Variants in NXPH1 observed in about 807,000 individuals in gnomAD.
The protein encoded by NXPH1 is neurexophilin 1.
NXPH1 carries 5 observed loss-of-function variants against 23.7 expected under a neutral mutation model. The observed-to-expected ratio is 0.21, with a 90% confidence interval of 0.11 to 0.44. The LOEUF is 0.44. NXPH1 is among the 20% of genes least tolerant of loss of function. The pLI is 0.99. For synonymous variants in NXPH1, 144 were observed against 122.2 expected, an observed-to-expected ratio of 1.18 and a Z score of -1.18; for missense variants, 324 against 321.6, an observed-to-expected ratio of 1.01 and a Z score of -0.06.
At chr7:8,618,687 C>G (rs573553811) in intron 2 of NXPH1, among the ~76,000 whole-genome samples, 44 of 152,266 alleles carry the variant, frequency 2.9e-4, no homozygotes, top group Middle Eastern at 6.8e-3. Flanking sequence ...GCATTGTTTC[C>G]TTAGAAATGT....
intron 2 of NXPH1, among the ~76,000 whole-genome samples, chr7:8,491,832 T>A (rs1817252573): frequency 6.6e-6 from 1 of 152,114 alleles, no homozygotes; most frequent in Non-Finnish European, 1.5e-5. Context: ...ATTTTCATTT[T>A]CTTTTGCAGC....
At chr7:8,514,168 C>T (rs1817655001) in intron 2 of NXPH1, among the ~76,000 whole-genome samples, 1 of 152,106 alleles carries the variant, frequency 6.6e-6, no homozygotes, top group Non-Finnish European at 1.5e-5. Flanking sequence ...AAAGTTAGAA[C>T]TTCAACACAA....
chr7:8,598,677 C>T lies in NXPH1; in HGVS notation c.55-152331C>T, dbSNP rs1819285431. ...TACAGCGTCAGTATTTTTCTGTTTG[C>T]AGTTTACAGATAAAATGTACTTGTA... is the stretch of plus-strand genomic sequence containing the variant. On this transcript the variant is annotated intron_variant, in intron 2 of 2. Coordinates refer to ENST00000405863, the MANE Select transcript of NXPH1 (RefSeq NM_152745.3). 2.0e-5 allele frequency among the ~76,000 whole-genome samples: 3 copies of T among 152,130 alleles called. 1 individual carries two copies. The highest frequency in any genetic ancestry group is 1.3e-4 in the Admixed American group (2 of 15,244).
rs577506554 is a variant in NXPH1 at position 8,434,514 on chromosome 7, C to A, written c.-352C>A. On this transcript the variant is annotated 5_prime_UTR_variant, in exon 1 of 3. Coordinates refer to ENST00000405863, the MANE Select transcript of NXPH1 (RefSeq NM_152745.3). This position sits in a 1 kb window ranked among gnomAD's most constrained non-coding sequence, Gnocchi z 7.6. The stretch of plus-strand genomic sequence containing the variant: ...TCTCTTGCCTCTTAAGTTTCCTGCA[C>A]CGTGAATCCAACTGTGCCAAGCCTT... 2 of 153,036 alleles carry A rather than the reference C, an allele frequency of 1.3e-5. No individual in the cohort carries two copies. The highest frequency in any genetic ancestry group is 3.9e-4 in the East Asian group (2 of 5,168). The allele number at this position is 153,036 out of a possible 1,614,324, so 9.5% of individuals were successfully genotyped here. A position where few individuals can be genotyped will look rare whatever the true frequency, so the allele number is the denominator to read the frequency against.
chr7:8,472,159 T>G (rs942216476), intron 2 of NXPH1, among the ~76,000 whole-genome samples: 1 of 152,174 alleles, frequency 6.6e-6, no homozygotes, highest in Non-Finnish European at 1.5e-5. Flanking sequence ...TATAGGTATA[T>G]TCATATTGGA....
intron 2 of NXPH1, among the ~76,000 whole-genome samples, chr7:8,576,829 A>G (rs1385329633): frequency 6.6e-6 from 1 of 152,118 alleles, no homozygotes; most frequent in Non-Finnish European, 1.5e-5. Flanking sequence ...TCATTAGATT[A>G]TAAACTCCTA....
rs1220310137 is a variant in NXPH1 at position 8,435,821 on chromosome 7, G to C, written c.54+54G>C. 2 of 1,525,372 alleles carry C rather than the reference G, an allele frequency of 1.3e-6. No individual in the cohort carries two copies. The highest frequency in any genetic ancestry group is 1.8e-6 in the Non-Finnish European group (2 of 1,099,726). The allele number at this position is 1,525,372 out of a possible 1,614,324, so 94.5% of individuals were successfully genotyped here. ...CATTTTTACCCCGGCCGGGAGGCAAGGAAACTGGGGACACGCGGGAGAAGG... is the reference window on the plus strand; with the variant it reads ...CATTTTTACCCCGGCCGGGAGGCAACGAAACTGGGGACACGCGGGAGAAGG... On this transcript the variant is annotated intron_variant, in intron 2 of 2. Transcript: ENST00000405863. This position sits in a 1 kb window ranked among gnomAD's most constrained non-coding sequence, Gnocchi z 5.9.
At chr7:8,574,825 C>A (rs1277271474) in intron 2 of NXPH1, among the ~76,000 whole-genome samples, 1 of 152,102 alleles carries the variant, frequency 6.6e-6, no homozygotes, top group Non-Finnish European at 1.5e-5. Context: ...CATGGCTGTG[C>A]ATCAAGTGTA....
chr7:8,562,827 A>G (rs535348672), intron 2 of NXPH1, among the ~76,000 whole-genome samples: 2 of 151,848 alleles, frequency 1.3e-5, no homozygotes, highest in African/African-American at 4.8e-5. Context: ...AAAGATTGAA[A>G]AAACATATCT....
intron 2 of NXPH1, among the ~76,000 whole-genome samples, chr7:8,557,016 G>A (rs542619923): frequency 8.6e-5 from 13 of 151,620 alleles, no homozygotes; most frequent in Non-Finnish European, 1.6e-4. Context: ...AATTGAAGTC[G>A]TCTAAATTCA....
chr7:8,742,277 A>C (rs1780380500), intron 2 of NXPH1, among the ~76,000 whole-genome samples: 1 of 152,144 alleles, frequency 6.6e-6, no homozygotes, highest in South Asian at 2.1e-4. Context: ...GAAAAAATGA[A>C]AATTCAATGA....
At chr7:8,703,769 C>CA (rs1363583837) in intron 2 of NXPH1, among the ~76,000 whole-genome samples, 1 of 152,082 alleles carries the variant, frequency 6.6e-6, no homozygotes, top group African/African-American at 2.4e-5. Flanking sequence ...GCTTTCATAG[C>CA]ATCCCTGAAA....
At chr7:8,487,017 A>G (rs1453327199) in intron 2 of NXPH1, among the ~76,000 whole-genome samples, 4 of 152,180 alleles carry the variant, frequency 2.6e-5, no homozygotes, top group African/African-American at 9.6e-5. Context: ...TATAAGAACA[A>G]GAACCTATGT....
chr7:8,717,713 G>A (rs975023195), intron 2 of NXPH1, among the ~76,000 whole-genome samples: 1 of 152,090 alleles, frequency 6.6e-6, no homozygotes, highest in African/African-American at 2.4e-5. Context: ...TGCTACATAT[G>A]TGGTAAGCTT....
At chr7:8,643,957 C>CTGTA (rs1820356689) in intron 2 of NXPH1, among the ~76,000 whole-genome samples, 1 of 152,066 alleles carries the variant, frequency 6.6e-6, no homozygotes. Flanking sequence ...AATAGTAATA[C>CTGTA]TGTAGCACGT....
chr7:8,736,730 G>C (rs971559252), intron 2 of NXPH1, among the ~76,000 whole-genome samples: 1 of 152,144 alleles, frequency 6.6e-6, no homozygotes, highest in Non-Finnish European at 1.5e-5. Context: ...ACAGTGGGGT[G>C]TTAAAGTCTC....
At chr7:8,572,897 T>A (rs893469906) in intron 2 of NXPH1, among the ~76,000 whole-genome samples, 1 of 151,968 alleles carries the variant, frequency 6.6e-6, no homozygotes. Flanking sequence ...GAGGGCAGCA[T>A]GAGAGCATCT....
chr7:8,679,114 AT>A (rs745433331), intron 2 of NXPH1, among the ~76,000 whole-genome samples: 2 of 151,014 alleles, frequency 1.3e-5, no homozygotes, highest in Non-Finnish European at 3.0e-5. Context: ...CGCCCGGCTA[AT>A]TTTTTGTATT....
intron 2 of NXPH1, among the ~76,000 whole-genome samples, chr7:8,731,759 A>G (rs1056422785): frequency 6.6e-6 from 1 of 152,186 alleles, no homozygotes; most frequent in Non-Finnish European, 1.5e-5. Context: ...TCAGACAGGG[A>G]CATTTAATTC....
Sources: gnomAD v4.1 joint callset for allele counts (sites outside exome capture counted in the v4.1 genomes callset) on GRCh38, gnomAD v4.1.1 for gene constraint, Gnocchi (gnomAD v3.1) non-coding constraint, MANE v1.5 for transcripts, NCBI Gene and HGNC (gene_info 2026-07-23, HGNC 2026-07-21) for gene names.